HCN1: variants seen among roughly 807,000 people sequenced by gnomAD.
HCN1 encodes the protein hyperpolarization activated cyclic nucleotide gated potassium channel 1, also known as potassium/sodium hyperpolarization-activated cyclic nucleotide-gated channel 1.
HCN1 carries 13 observed loss-of-function variants against 78.9 expected under a neutral mutation model. The ratio of observed to expected loss-of-function variants is 0.16; its 90% CI spans 0.11 to 0.26. The LOEUF (loss-of-function observed/expected upper bound fraction) is 0.26, where lower values mean the gene tolerates loss of function less well. Among genes scored for constraint, HCN1 ranks in the 10% least tolerant of loss-of-function variants. The pLI is 1.00. For synonymous variants in HCN1, 552 were observed against 455.5 expected (o/e 1.21, Z -2.70); for missense variants, 810 against 1,154.3 (o/e 0.70, Z 4.32).
At chr5:45,330,136 CA>C (rs1746315579) in intron 5 of HCN1, among the ~76,000 whole-genome samples, 1 of 151,262 alleles carries the variant, frequency 6.6e-6, no homozygotes, top group Non-Finnish European at 1.5e-5. Flanking sequence ...ACTAAGAAAT[CA>C]ACATTGCTGA....
At chr5:45,553,696 G>A (rs1041946944) in intron 2 of HCN1, among the ~76,000 whole-genome samples, 9 of 151,942 alleles carry the variant, frequency 5.9e-5, no homozygotes, top group African/African-American at 1.9e-4. Context: ...ATGTGCATCT[G>A]CCCATATACC....
intron 2 of HCN1, among the ~76,000 whole-genome samples, chr5:45,612,758 A>T (rs2111981117): frequency 6.6e-6 from 1 of 152,286 alleles, no homozygotes; most frequent in Non-Finnish European, 1.5e-5. Context: ...ATTCTTCTTT[A>T]TTATAGATCA....
chr5:45,683,967 G>C (rs940692026), intron 1 of HCN1, among the ~76,000 whole-genome samples: 1 of 152,086 alleles, frequency 6.6e-6, no homozygotes, highest in Non-Finnish European at 1.5e-5. Flanking sequence ...CACCGTGCCT[G>C]GTCCCGCTTC....
intron 2 of HCN1, among the ~76,000 whole-genome samples, chr5:45,613,939 G>A (rs1234069300): frequency 6.6e-6 from 1 of 152,126 alleles, no homozygotes; most frequent in Non-Finnish European, 1.5e-5. Context: ...AAATTCAAGT[G>A]TAGGGAGAAA....
intron 5 of HCN1, among the ~76,000 whole-genome samples, chr5:45,348,733 A>T (rs1185786576): frequency 6.6e-6 from 1 of 152,218 alleles, no homozygotes; most frequent in Non-Finnish European, 1.5e-5. Context: ...CTAGTCTCTG[A>T]TAAAACAGAC....
intron 2 of HCN1, among the ~76,000 whole-genome samples, chr5:45,623,559 GTTC>G (rs1482307440): frequency 6.6e-6 from 1 of 152,142 alleles, no homozygotes; most frequent in Admixed American, 6.5e-5. Context: ...TAAAAAGGCA[GTTC>G]TTCTTTCAGG....
chr5:45,303,547 T>C (rs1745670047), intron 6 of HCN1, 52 bp downstream of exon 6: 3 of 1,597,634 alleles, frequency 1.9e-6, no homozygotes, highest in Non-Finnish European at 2.6e-6. Context: ...TTCTTAAAGA[T>C]ACAAATCTCA....
chr5:45,584,763 G>C (rs555104860), intron 2 of HCN1, among the ~76,000 whole-genome samples: 13 of 152,264 alleles, frequency 8.5e-5, no homozygotes, highest in Admixed American at 4.6e-4. Flanking sequence ...TGTCTGTAAA[G>C]GATTTTATTT....
chr5:45,502,394 A>T (rs1014254424), intron 2 of HCN1, among the ~76,000 whole-genome samples: 2 of 152,116 alleles, frequency 1.3e-5, no homozygotes, highest in Non-Finnish European at 2.9e-5. Flanking sequence ...AGGCAGGAGA[A>T]TGGTCATAAA....
intron 3 of HCN1, among the ~76,000 whole-genome samples, chr5:45,424,943 T>A (rs1371030239): frequency 6.6e-6 from 1 of 152,214 alleles, no homozygotes; most frequent in Non-Finnish European, 1.5e-5. Flanking sequence ...TTATAATAGA[T>A]GTTTTCAATC....
At position 45,352,487 on chromosome 5, in the gene HCN1, C is replaced by T. The variant is rs1002779479; in HGVS notation, c.1377+613G>A. Among the ~76,000 whole-genome samples the T allele has an allele frequency of 5.9e-5, 9 of 151,748 alleles. No individual in the cohort carries two copies. In the South Asian group the frequency reaches 1.3e-3, roughly 21 times the overall value. On this transcript the variant is annotated intron_variant, in intron 5 of 7. Transcript: ENST00000303230. ...CATGTATACATATGTAAGTAACGTG[C>T]GCATTGTGCACATGTACCCTAAAAC... is the stretch of plus-strand genomic sequence containing the variant.
In HCN1 at chr5:45,640,858, G is replaced by GAA. The variant is rs61584654; in HGVS notation, c.849+4325_849+4326dup. On this transcript the variant is annotated intron_variant, in intron 2 of 7. Transcript: ENST00000303230. ...AACTATGATTTTTAAAGGAGTGATA[G>GAA]AAAAAAAAAAAAAAAAGCCTTTCCA... 2.3e-4 allele frequency among the ~76,000 whole-genome samples: 19 copies of GAA among 82,294 alleles called. No individual in the cohort carries two copies. In the East Asian group the frequency reaches 3.0e-3, roughly 13 times the overall value. The allele number at this position is 82,294 out of a possible 152,430, so 54.0% of individuals were successfully genotyped here. A position where few individuals can be genotyped will look rare whatever the true frequency, so the allele number is the denominator to read the frequency against.
intron 2 of HCN1, among the ~76,000 whole-genome samples, chr5:45,512,979 A>G (rs1223864318): frequency 6.6e-6 from 1 of 152,194 alleles, no homozygotes; most frequent in Non-Finnish European, 1.5e-5. Flanking sequence ...GACTTTAAAA[A>G]TTAATAAAGT....
chr5:45,442,321 A>G (rs754351257), intron 3 of HCN1, among the ~76,000 whole-genome samples: 16 of 152,100 alleles, frequency 1.1e-4, no homozygotes, highest in Non-Finnish European at 1.8e-4. Flanking sequence ...GAGACAAGAT[A>G]CCAACATATC....
chr5:45,577,663 G>C (rs559806511), intron 2 of HCN1, among the ~76,000 whole-genome samples: 2 of 151,938 alleles, frequency 1.3e-5, no homozygotes, highest in South Asian at 4.1e-4. Flanking sequence ...TAAAGTTCTA[G>C]TTATTTTAAC....
chr5:45,382,092 T>C (rs1251494541), intron 4 of HCN1, among the ~76,000 whole-genome samples: 1 of 152,190 alleles, frequency 6.6e-6, no homozygotes, highest in East Asian at 1.9e-4. Flanking sequence ...TCTCTGATAA[T>C]AAAACATCTT....
intron 3 of HCN1, among the ~76,000 whole-genome samples, chr5:45,449,269 T>C (rs1740861969): frequency 6.6e-6 from 1 of 152,190 alleles, no homozygotes; most frequent in Non-Finnish European, 1.5e-5. Context: ...AGAGAACCAG[T>C]AGAGGAATCT....
At chr5:45,650,657 T>C (rs1479654296) in intron 1 of HCN1, among the ~76,000 whole-genome samples, 1 of 152,042 alleles carries the variant, frequency 6.6e-6, no homozygotes, top group Non-Finnish European at 1.5e-5. Context: ...TAAAATAATT[T>C]TCATAGGCCA....
chr5:45,471,307 T>A (rs911495923), intron 2 of HCN1, among the ~76,000 whole-genome samples: 4 of 151,876 alleles, frequency 2.6e-5, no homozygotes, highest in African/African-American at 9.7e-5. Context: ...CCTTCCAATA[T>A]CCTGACCTAT....
Sources: gnomAD v4.1 joint callset for allele counts (sites outside exome capture counted in the v4.1 genomes callset) on GRCh38, gnomAD v4.1.1 for gene constraint, MANE v1.5 for transcripts, NCBI Gene and HGNC (gene_info 2026-07-23, HGNC 2026-07-21) for gene names.